ZNF804A: variants seen among roughly 807,000 people sequenced by gnomAD.
The protein encoded by ZNF804A is zinc finger protein 804A.
In ZNF804A, 2 loss-of-function variants were observed where a neutral mutation model predicts 16.5. That is an observed-to-expected ratio of 0.12 (90% CI 0.05 to 0.38). The LOEUF is 0.38. Ranked by LOEUF, ZNF804A falls within the 10% of genes least tolerant of loss-of-function variation. The pLI is 0.99. For synonymous variants in ZNF804A, 534 were observed against 489.6 expected, an observed-to-expected ratio of 1.09 and a Z score of -1.20; for missense variants, 1,473 against 1,390.7, an observed-to-expected ratio of 1.06 and a Z score of -0.94.
chr2:184,895,207 T>A (rs1685046632), intron 2 of ZNF804A, among the ~76,000 whole-genome samples: 1 of 151,926 alleles, frequency 6.6e-6, no homozygotes, highest in African/African-American at 2.4e-5. Flanking sequence ...TGTGTGTGTG[T>A]GTTTGTGGGT....
chr2:184,683,899 A>G (rs1402926973), intron 1 of ZNF804A, among the ~76,000 whole-genome samples: 1 of 152,028 alleles, frequency 6.6e-6, no homozygotes, highest in Non-Finnish European at 1.5e-5. Flanking sequence ...GGGCCTCATT[A>G]TTGTCCCTTG....
intron 2 of ZNF804A, among the ~76,000 whole-genome samples, chr2:184,929,775 G>A (rs562804238): frequency 2.6e-5 from 4 of 152,044 alleles, no homozygotes; most frequent in South Asian, 2.1e-4. Context: ...GTGTTTGTAC[G>A]AAGTTGTTCA....
intron 1 of ZNF804A, among the ~76,000 whole-genome samples, chr2:184,678,923 T>C (rs1195636427): frequency 6.6e-6 from 1 of 152,184 alleles, no homozygotes; most frequent in East Asian, 1.9e-4. Flanking sequence ...AGTACAGAGA[T>C]ATGATAAACA....
intron 1 of ZNF804A, among the ~76,000 whole-genome samples, chr2:184,752,752 A>G (rs956154960): frequency 1.3e-4 from 19 of 151,692 alleles, no homozygotes; most frequent in African/African-American, 4.6e-4. Context: ...TTGAAAAAAT[A>G]TAGTCTAATT....
chr2:184,837,145 T>C (rs561509215), intron 1 of ZNF804A, among the ~76,000 whole-genome samples: 4 of 152,214 alleles, frequency 2.6e-5, no homozygotes, highest in Middle Eastern at 3.4e-3. Flanking sequence ...ACATTACTTA[T>C]ATTACTAGGT....
intron 1 of ZNF804A, among the ~76,000 whole-genome samples, chr2:184,715,921 C>T (rs971350626): frequency 6.6e-6 from 1 of 152,098 alleles, no homozygotes; most frequent in Non-Finnish European, 1.5e-5. Flanking sequence ...TCAACTAATA[C>T]ATTTTTAATG....
chr2:184,891,610 A>G (rs528415471), intron 2 of ZNF804A, among the ~76,000 whole-genome samples: 16 of 152,086 alleles, frequency 1.1e-4, no homozygotes, highest in Non-Finnish European at 2.2e-4. Flanking sequence ...CCTCCACTCT[A>G]CTTGACAAAG....
chr2:184,931,476 C>T (rs1000686868), intron 2 of ZNF804A, among the ~76,000 whole-genome samples: 10 of 152,168 alleles, frequency 6.6e-5, no homozygotes, highest in Non-Finnish European at 1.3e-4. Flanking sequence ...CGGGCTTGCA[C>T]CCTCTGAAGC....
chr2:184,625,887 G>T (rs1244377953), intron 1 of ZNF804A, among the ~76,000 whole-genome samples: 4 of 151,398 alleles, frequency 2.6e-5, no homozygotes, highest in African/African-American at 9.7e-5. Flanking sequence ...TATTTTTTTT[G>T]AGACGGAGTC....
intron 1 of ZNF804A, among the ~76,000 whole-genome samples, chr2:184,810,663 T>A (rs1694885390): frequency 6.6e-6 from 1 of 152,014 alleles, no homozygotes; most frequent in African/African-American, 2.4e-5. Context: ...GCTAATTTTT[T>A]GTATTTTTAG....
intron 2 of ZNF804A, among the ~76,000 whole-genome samples, chr2:184,919,933 T>G (rs577311666): frequency 1.3e-5 from 2 of 152,062 alleles, no homozygotes; most frequent in Non-Finnish European, 2.9e-5. Context: ...CTGGCTAACA[T>G]GGTGAAATCC....
chr2:184,886,461 C>G (rs1009134690), intron 2 of ZNF804A, among the ~76,000 whole-genome samples: 3 of 152,192 alleles, frequency 2.0e-5, no homozygotes, highest in African/African-American at 7.2e-5. Flanking sequence ...CCTCCTCTCA[C>G]AGCTCCACTA....
At chr2:184,727,458 A>G (rs1693431226) in intron 1 of ZNF804A, among the ~76,000 whole-genome samples, 1 of 151,632 alleles carries the variant, frequency 6.6e-6, no homozygotes, top group African/African-American at 2.4e-5. Context: ...GTACTCAGCT[A>G]AACTTTTATT....
chr2:184,636,419 AG>A lies in ZNF804A; in HGVS notation c.111+37352del, dbSNP rs1407961449. 2.4e-4 allele frequency among the ~76,000 whole-genome samples: 31 copies of A among 127,022 alleles called. 1 individual carries two copies. Among genetic ancestry groups the A allele is most frequent in the Non-Finnish European group, 1.6e-5 (1 of 63,014 alleles). The allele number at this position is 127,022 out of a possible 152,430, so 83.3% of individuals were successfully genotyped here. On this transcript the variant is annotated intron_variant, in intron 1 of 3. Coordinates refer to ENST00000302277, the MANE Select transcript of ZNF804A (RefSeq NM_194250.2). ...GACAAAGCATTGTGAGACTGGCTCT[AG>A]GGCTGTGTGTGTGTGTGTGTGTGTG...
intron 1 of ZNF804A, among the ~76,000 whole-genome samples, chr2:184,692,237 C>T (rs556007907): frequency 3.0e-4 from 45 of 152,294 alleles, no homozygotes; most frequent in African/African-American, 1.1e-3. Flanking sequence ...TACAATACTT[C>T]GCACACACTG....
intron 1 of ZNF804A, among the ~76,000 whole-genome samples, chr2:184,657,325 G>A (rs73043238): frequency 0.18 from 27,751 of 152,056 alleles, 3,086 homozygotes; most frequent in South Asian, 0.26. Context: ...GGACTCAAGT[G>A]ATCCATTCTG....
intron 1 of ZNF804A, among the ~76,000 whole-genome samples, chr2:184,650,911 T>A (rs776548262): frequency 6.6e-6 from 1 of 152,146 alleles, no homozygotes; most frequent in Non-Finnish European, 1.5e-5. Context: ...AAACTACTAA[T>A]GTCATTTTTC....
intron 1 of ZNF804A, among the ~76,000 whole-genome samples, chr2:184,708,067 C>A (rs1426711037): frequency 6.6e-6 from 1 of 151,814 alleles, no homozygotes; most frequent in African/African-American, 2.4e-5. Flanking sequence ...CATATGTTTG[C>A]TGGCTGTTTG....
intron 1 of ZNF804A, among the ~76,000 whole-genome samples, chr2:184,807,319 A>G (rs945155847): frequency 6.6e-6 from 1 of 151,892 alleles, no homozygotes; most frequent in South Asian, 2.1e-4. Flanking sequence ...GATGCACCAA[A>G]TTTAGCAACC....
Sources: gnomAD v4.1 joint callset for allele counts (sites outside exome capture counted in the v4.1 genomes callset) on GRCh38, gnomAD v4.1.1 for gene constraint, MANE v1.5 for transcripts, NCBI Gene and HGNC (gene_info 2026-07-23, HGNC 2026-07-21) for gene names.